The following PPP1R12B variants were observed in gnomAD, a reference collection of about 807,000 sequenced individuals.
The protein encoded by PPP1R12B is myosin phosphatase target subunit 2.
In PPP1R12B, 76 loss-of-function variants were observed where a neutral mutation model predicts 126.1. The ratio of observed to expected loss-of-function variants is 0.60; its 90% CI spans 0.50 to 0.73. The LOEUF is 0.73. Ranked by LOEUF, PPP1R12B falls within the 30% of genes least tolerant of loss-of-function variation. The pLI is 0.00. For synonymous variants in PPP1R12B, 356 were observed against 434.7 expected (o/e 0.82, Z 2.25); for missense variants, 1,052 against 1,205.1 (o/e 0.87, Z 1.88).
chr1:202,349,599 A>G (rs1046496603), intron 1 of PPP1R12B, among the ~76,000 whole-genome samples: 7 of 152,164 alleles, frequency 4.6e-5, no homozygotes, highest in African/African-American at 1.4e-4. Flanking sequence ...TACTGGGTAA[A>G]GACAAGCAGG....
At chr1:202,487,603 CTT>C (rs35559949) in intron 13 of PPP1R12B, among the ~76,000 whole-genome samples, 1 of 147,062 alleles carries the variant, frequency 6.8e-6, no homozygotes, top group Admixed American at 6.8e-5. Flanking sequence ...AGATACATTT[CTT>C]TTTTTTTTTT....
chr1:202,379,342 A>G (rs1661829919), intron 1 of PPP1R12B, among the ~76,000 whole-genome samples: 1 of 152,216 alleles, frequency 6.6e-6, no homozygotes, highest in African/African-American at 2.4e-5. Context: ...AGGCTGCTGA[A>G]CTGTATCCTC....
At chr1:202,502,083 A>T (rs1415639776) in intron 18 of PPP1R12B, 1 of 985,600 alleles carries the variant, frequency 1.0e-6, no homozygotes, top group Non-Finnish European at 1.2e-6. Context: ...CTTTTAGATA[A>T]ATCAGGTGGC....
At chr1:202,470,151 G>A (rs1458014285) in intron 13 of PPP1R12B, among the ~76,000 whole-genome samples, 1 of 152,160 alleles carries the variant, frequency 6.6e-6, no homozygotes, top group African/African-American at 2.4e-5. Context: ...GTCCACCTAT[G>A]CTAACACGGT....
rs1161789092 is a variant in PPP1R12B, at chr1:202,431,548, CT to C, written c.1071del (p.Ser358ValfsTer85). 1 of 1,613,274 alleles carries C rather than the reference CT, an allele frequency of 6.2e-7. No homozygotes were observed. The highest frequency in any genetic ancestry group is 8.5e-7 in the Non-Finnish European group (1 of 1,179,676). ...GAAATGGAGGAAGAAAATAAAGAAT[CT>C]AGTAGCTCCAGCTCAGAGGAGGAGG... Reference protein sequence around the residue: ...SQEMEEENKESSSSSSEEEEG... With the variant: ...SQEMEEENKEXSSSSSEEEEG... On this transcript the variant is annotated frameshift_variant, in exon 8 of 24. Coordinates refer to ENST00000608999, the MANE Select transcript of PPP1R12B (RefSeq NM_002481.4). LOFTEE classifies it high-confidence loss of function.
intron 18 of PPP1R12B, among the ~76,000 whole-genome samples, chr1:202,535,900 C>T (rs1684480451): frequency 6.6e-6 from 1 of 152,214 alleles, no homozygotes; most frequent in Non-Finnish European, 1.5e-5. Context: ...AAAGAGCTCA[C>T]ATTCAACTTT....
At chr1:202,443,186 C>A in intron 12 of PPP1R12B, 1 of 893,290 alleles carries the variant, frequency 1.1e-6, no homozygotes, top group Non-Finnish European at 1.3e-6. Flanking sequence ...ATTTTCTTTG[C>A]CACATACTAG....
intron 13 of PPP1R12B, among the ~76,000 whole-genome samples, chr1:202,476,315 A>G (rs1004372295): frequency 6.6e-6 from 1 of 151,556 alleles, no homozygotes; most frequent in Non-Finnish European, 1.5e-5. Flanking sequence ...TATTAGATAT[A>G]TACTATAAGA....
chr1:202,466,523 ACT>A (rs1328201267), intron 13 of PPP1R12B, among the ~76,000 whole-genome samples: 3 of 145,652 alleles, frequency 2.1e-5, no homozygotes, highest in African/African-American at 7.7e-5. Context: ...TCTCCTTAGG[ACT>A]CTCCCTAGCT....
chr1:202,369,301 T>A (rs762327859), intron 1 of PPP1R12B, among the ~76,000 whole-genome samples: 2 of 152,176 alleles, frequency 1.3e-5, no homozygotes, highest in Non-Finnish European at 2.9e-5. Flanking sequence ...ACGAATTAAG[T>A]CCAATCATAG....
intron 2 of PPP1R12B, among the ~76,000 whole-genome samples, chr1:202,418,618 A>G (rs1571919632): frequency 1.3e-5 from 2 of 152,206 alleles, no homozygotes; most frequent in Non-Finnish European, 2.9e-5. Context: ...GTTTCCTAAG[A>G]CAGACTATTA....
At chr1:202,552,488 C>T (rs950895619) in intron 18 of PPP1R12B, among the ~76,000 whole-genome samples, 4 of 152,184 alleles carry the variant, frequency 2.6e-5, no homozygotes, top group Admixed American at 6.5e-5. Flanking sequence ...TTAACTCAGA[C>T]CATGATTAGG....
At chr1:202,403,765 C>A (rs1666179353) in intron 1 of PPP1R12B, among the ~76,000 whole-genome samples, 1 of 152,224 alleles carries the variant, frequency 6.6e-6, no homozygotes, top group Non-Finnish European at 1.5e-5. Flanking sequence ...AGTTGGGAAT[C>A]AGAAACAGAA....
At chr1:202,558,349 C>T (rs942402822) in intron 18 of PPP1R12B, among the ~76,000 whole-genome samples, 4 of 151,858 alleles carry the variant, frequency 2.6e-5, no homozygotes, top group Admixed American at 6.6e-5. Context: ...GAGTTTCTCC[C>T]CTCTCCCTTA....
chr1:202,452,384 C>T (rs1464711654), intron 13 of PPP1R12B, among the ~76,000 whole-genome samples: 1 of 152,196 alleles, frequency 6.6e-6, no homozygotes, highest in Non-Finnish European at 1.5e-5. Context: ...CCCGTCTCCA[C>T]CAAAAAAATA....
chr1:202,459,271 G>T (rs546228137), intron 13 of PPP1R12B, among the ~76,000 whole-genome samples: 2 of 152,238 alleles, frequency 1.3e-5, no homozygotes, highest in African/African-American at 4.8e-5. Flanking sequence ...ATTTTCCAAA[G>T]TTCCAGAATG....
intron 18 of PPP1R12B, among the ~76,000 whole-genome samples, chr1:202,518,418 C>A (rs1343568983): frequency 6.6e-6 from 1 of 152,168 alleles, no homozygotes; most frequent in Non-Finnish European, 1.5e-5. Flanking sequence ...CTTTACCATT[C>A]CCCACCAGCT....
chr1:202,509,406 A>G (rs556140278), intron 18 of PPP1R12B, among the ~76,000 whole-genome samples: 3 of 152,228 alleles, frequency 2.0e-5, no homozygotes, highest in Admixed American at 6.5e-5. Flanking sequence ...GTTTTAGTTC[A>G]TTACCTTTTG....
At chr1:202,429,088 G>A (rs1669898254) in intron 6 of PPP1R12B, among the ~76,000 whole-genome samples, 159 bp downstream of exon 6, 1 of 152,198 alleles carries the variant, frequency 6.6e-6, no homozygotes, top group Admixed American at 6.5e-5. Flanking sequence ...TAAACAGTCT[G>A]TTAGAAGAAT....
Sources: allele counts gnomAD v4.1 joint callset (sites outside exome capture counted in the v4.1 genomes callset), GRCh38; gene constraint gnomAD v4.1.1; transcripts MANE v1.5; gene names NCBI Gene and HGNC (gene_info 2026-07-23, HGNC 2026-07-21).